The following ZBTB7C variants were observed in gnomAD, a reference collection of about 807,000 sequenced individuals.
ZBTB7C encodes zinc finger and BTB domain-containing protein 7C.
Under a neutral mutation model 25.7 loss-of-function variants are expected in ZBTB7C, and 8 were observed. The ratio of observed to expected loss-of-function variants is 0.31; its 90% confidence interval spans 0.18 to 0.56. The LOEUF (loss-of-function observed/expected upper bound fraction) is 0.56, where lower values mean the gene tolerates loss of function less well. Ranked by LOEUF, ZBTB7C falls within the 20% of genes least tolerant of loss-of-function variation. The probability of loss-of-function intolerance (pLI) is 0.91; values close to 1 mark genes in which losing one functional copy is unlikely to be tolerated. For synonymous variants in ZBTB7C, 394 were observed against 369.0 expected (o/e 1.07, Z -0.78); for missense variants, 824 against 855.2 (o/e 0.96, Z 0.46).
intron 2 of ZBTB7C, among the ~76,000 whole-genome samples, chr18:48,287,129 C>T (rs765853563): frequency 5.9e-5 from 9 of 151,984 alleles, no homozygotes; most frequent in East Asian, 1.9e-4. Context: ...CAGTAACAAA[C>T]GGTAACTAAG....
Position 48,167,968 on chromosome 18 carries a change from A to G in ZBTB7C, c.-17+17966T>C, listed in dbSNP as rs575467064. Among the ~76,000 whole-genome samples, 3 of 152,284 alleles carry G rather than the reference A, an allele frequency of 2.0e-5. No individual in the cohort carries two copies. In the South Asian group the frequency reaches 6.2e-4, roughly 32 times the overall value. ...TAGTAGGGTTTCAGATCCCTTTCAG[A>G]GTGTGGGGAAGAGAGAAGGGAGGGG... On this transcript the variant is annotated intron_variant, in intron 3 of 4. Transcript: ENST00000590800.
At chr18:48,042,419 C>CAAAT (rs569135339) in intron 3 of ZBTB7C, among the ~76,000 whole-genome samples, 21 of 152,246 alleles carry the variant, frequency 1.4e-4, no homozygotes, top group African/African-American at 4.8e-4. Context: ...TATCTTGGTA[C>CAAAT]AAATAAAGTG....
intron 2 of ZBTB7C, among the ~76,000 whole-genome samples, chr18:48,291,703 C>T (rs933475467): frequency 1.6e-4 from 25 of 152,210 alleles, no homozygotes; most frequent in African/African-American, 6.0e-4. Flanking sequence ...CCATTATGGT[C>T]ACTGCAGTCA....
At chr18:48,099,009 G>A (rs1335958625) in intron 3 of ZBTB7C, among the ~76,000 whole-genome samples, 1 of 152,216 alleles carries the variant, frequency 6.6e-6, no homozygotes. Flanking sequence ...CCTATCCACT[G>A]ATCATTGCAT....
intron 2 of ZBTB7C, among the ~76,000 whole-genome samples, chr18:48,310,372 A>C (rs781599817): frequency 6.6e-6 from 1 of 151,434 alleles, no homozygotes; most frequent in Non-Finnish European, 1.5e-5. Flanking sequence ...TCCATTTTCC[A>C]GGCTATGTGT....
At chr18:48,073,178 C>T (rs970982316) in intron 3 of ZBTB7C, among the ~76,000 whole-genome samples, 1 of 152,146 alleles carries the variant, frequency 6.6e-6, no homozygotes, top group African/African-American at 2.4e-5. Flanking sequence ...TGTCCGACTT[C>T]GCTTTCTTTC....
At chr18:48,095,899 T>C (rs2038611607) in intron 3 of ZBTB7C, among the ~76,000 whole-genome samples, 1 of 152,110 alleles carries the variant, frequency 6.6e-6, no homozygotes, top group Non-Finnish European at 1.5e-5. Flanking sequence ...GATAAACAGC[T>C]GGTAACCTCT....
At chr18:48,116,021 G>A (rs933640551) in intron 3 of ZBTB7C, among the ~76,000 whole-genome samples, 10 of 151,878 alleles carry the variant, frequency 6.6e-5, no homozygotes, top group East Asian at 1.9e-4. Context: ...ATTATCCTTC[G>A]CGCCTATATA....
rs1165299189 is a variant in ZBTB7C at position 48,028,411 on chromosome 18, T to G, written c.*849A>C. The G allele has an allele frequency of 6.6e-6, 1 of 152,200 alleles. No individual in the cohort carries two copies. The highest frequency in any genetic ancestry group is 2.4e-5 in the African/African-American group (1 of 41,448). 9.4% of individuals were successfully genotyped at this position (152,200 alleles called of 1,614,324 possible). A position where few individuals can be genotyped will look rare whatever the true frequency, so the allele number is the denominator to read the frequency against. ...GAAGCTCCCCTGATGACCTGATCTC[T>G]GTCTAGTCTGGCCATATTTCTCACC... On this transcript the variant is annotated 3_prime_UTR_variant, in exon 5 of 5. Transcript: ENST00000590800.
chr18:48,127,799 C>A (rs546362932), intron 3 of ZBTB7C, among the ~76,000 whole-genome samples: 2 of 152,148 alleles, frequency 1.3e-5, no homozygotes, highest in Non-Finnish European at 1.5e-5. Context: ...TCAGAGGGTG[C>A]GCCACAGGAG....
At chr18:48,115,476 G>A (rs1173889879) in intron 3 of ZBTB7C, among the ~76,000 whole-genome samples, 1 of 152,024 alleles carries the variant, frequency 6.6e-6, no homozygotes, top group East Asian at 1.9e-4. Context: ...CTGACCTCGA[G>A]ATCCGCCCGC....
At chr18:48,038,541 A>G (rs1264536981) in intron 4 of ZBTB7C, among the ~76,000 whole-genome samples, 1 of 146,452 alleles carries the variant, frequency 6.8e-6, no homozygotes, top group African/African-American at 2.5e-5. Flanking sequence ...ACTTTAGAGG[A>G]CTCATCTTTT....
intron 1 of ZBTB7C, among the ~76,000 whole-genome samples, chr18:48,340,479 TG>T (rs2046573280): frequency 6.6e-6 from 1 of 152,176 alleles, no homozygotes; most frequent in South Asian, 2.1e-4. Context: ...CATGGATCCT[TG>T]TTCAGCCTTG....
intron 2 of ZBTB7C, among the ~76,000 whole-genome samples, chr18:48,199,280 G>A (rs2042383458): frequency 6.6e-6 from 1 of 151,918 alleles, no homozygotes; most frequent in African/African-American, 2.4e-5. Context: ...CCTCTCCTCG[G>A]GTTTTATTCT....
chr18:48,139,946 GC>G (rs1472836516), intron 3 of ZBTB7C, among the ~76,000 whole-genome samples: 1 of 152,122 alleles, frequency 6.6e-6, no homozygotes, highest in Admixed American at 6.5e-5. Context: ...GCCCTTCTCA[GC>G]CCCCACCTCT....
intron 3 of ZBTB7C, chr18:48,072,358 C>T (rs968483936): frequency 3.0e-4 from 46 of 152,316 alleles, no homozygotes; most frequent in Admixed American, 8.5e-4. Context: ...AAGCCTGGCG[C>T]TCAGGGCCAG....
In ZBTB7C at chr18:48,222,376, C is replaced by G. The variant is rs150937175; in HGVS notation, c.-78-36381G>C. On this transcript the variant is annotated intron_variant, in intron 2 of 4. Coordinates refer to ENST00000590800, the MANE Select transcript of ZBTB7C (RefSeq NM_001318841.2). ...GCCAACACACATGACATGTGAGATG[C>G]CTGCCCATTGAGCAACTGTGGCCAA... is the stretch of plus-strand genomic sequence containing the variant. 2.4e-3 allele frequency among the ~76,000 whole-genome samples: 360 copies of G among 152,334 alleles called. 1 individual carries two copies. Among genetic ancestry groups the G allele is most frequent in the Non-Finnish European group, 3.7e-3 (250 of 68,032 alleles).
intron 1 of ZBTB7C, among the ~76,000 whole-genome samples, chr18:48,387,807 T>C (rs2047783458): frequency 6.8e-6 from 1 of 146,380 alleles, no homozygotes; most frequent in Admixed American, 6.9e-5. Context: ...TAGTTGGCTA[T>C]GCAGGTTTTT....
intron 1 of ZBTB7C, among the ~76,000 whole-genome samples, chr18:48,383,054 G>A (rs950342086): frequency 1.3e-5 from 2 of 152,032 alleles, no homozygotes; most frequent in African/African-American, 2.4e-5. Context: ...ATGACATTGC[G>A]CCTGCTTCCC....
Sources: gnomAD v4.1 joint callset for allele counts (sites outside exome capture counted in the v4.1 genomes callset) on GRCh38, gnomAD v4.1.1 for gene constraint, MANE v1.5 for transcripts, NCBI Gene and HGNC (gene_info 2026-07-23, HGNC 2026-07-21) for gene names.